Variants in PRKCB observed in about 807,000 individuals in gnomAD.
PRKCB encodes the protein protein kinase C beta type.
A neutral mutation model predicts 81.5 loss-of-function variants in PRKCB; 13 were observed. The observed-to-expected ratio is 0.16, with a 90% CI of 0.10 to 0.25. The LOEUF (loss-of-function observed/expected upper bound fraction) is 0.25, where lower values mean the gene tolerates loss of function less well. Ranked by LOEUF, PRKCB falls within the 10% of genes least tolerant of loss-of-function variation. The pLI, the probability that PRKCB is intolerant of heterozygous loss-of-function variation, is 1.00. For synonymous variants in PRKCB, 335 were observed against 321.4 expected (o/e 1.04, Z -0.45); for missense variants, 509 against 875.7 (o/e 0.58, Z 5.29).
intron 2 of PRKCB, among the ~76,000 whole-genome samples, chr16:23,982,760 A>G (rs1449131726): frequency 6.6e-6 from 1 of 152,102 alleles, no homozygotes; most frequent in Non-Finnish European, 1.5e-5. Flanking sequence ...GCCTGTAATA[A>G]GGGAGGGTGG....
At chr16:23,931,718 C>T (rs888181841) in intron 2 of PRKCB, among the ~76,000 whole-genome samples, 1 of 151,958 alleles carries the variant, frequency 6.6e-6, no homozygotes, top group Non-Finnish European at 1.5e-5. Context: ...TACTTCCCGG[C>T]CTTCTGGCCT....
At chr16:23,908,716 G>C (rs1003639980) in intron 2 of PRKCB, among the ~76,000 whole-genome samples, 40 of 151,542 alleles carry the variant, frequency 2.6e-4, no homozygotes, top group African/African-American at 9.2e-4. Flanking sequence ...ATTTTTAGTA[G>C]AGACGGGGTT....
At chr16:24,183,958 C>T (rs1295981181) in intron 13 of PRKCB, among the ~76,000 whole-genome samples, 1 of 152,176 alleles carries the variant, frequency 6.6e-6, no homozygotes, top group Non-Finnish European at 1.5e-5. Context: ...CCATATGATA[C>T]ACCAATTCTA....
chr16:24,199,260 C>A (rs1967921931), intron 16 of PRKCB, among the ~76,000 whole-genome samples: 1 of 152,196 alleles, frequency 6.6e-6, no homozygotes, highest in South Asian at 2.1e-4. Flanking sequence ...GGTTTCTCAG[C>A]AATTTTATCA....
intron 10 of PRKCB, among the ~76,000 whole-genome samples, chr16:24,157,647 G>A (rs1967181935): frequency 6.7e-6 from 1 of 150,332 alleles, no homozygotes; most frequent in African/African-American, 2.5e-5. Flanking sequence ...TGGGAATGAA[G>A]GCCTCCCATG....
rs906102125 is a variant in PRKCB, at chr16:24,219,094, A to C, written c.*4278A>C. ...CCCTGAAGAGGTCGGAGCATCATAC[A>C]GATTCCTTTATTAGCCCACATTCTG... On this transcript the variant is annotated 3_prime_UTR_variant, in exon 17 of 17. Coordinates refer to ENST00000643927, the MANE Select transcript of PRKCB (RefSeq NM_002738.7). The C allele has an allele frequency of 6.8e-5, 67 of 985,328 alleles. No individual in the cohort carries two copies. Among genetic ancestry groups the C allele is most frequent in the Non-Finnish European group, 1.3e-5 (11 of 829,972 alleles). The allele number at this position is 985,328 out of a possible 1,614,324, so 61.0% of individuals were successfully genotyped here.
At chr16:23,981,575 T>TTTTCC (rs71986168) in intron 2 of PRKCB, among the ~76,000 whole-genome samples, 9 of 147,154 alleles carry the variant, frequency 6.1e-5, no homozygotes, top group Admixed American at 1.3e-4. Flanking sequence ...CTTTCCTTTC[T>TTTTCC]TTTCCTTTCC....
intron 2 of PRKCB, among the ~76,000 whole-genome samples, chr16:23,868,584 C>T (rs1312878769): frequency 6.6e-6 from 1 of 152,166 alleles, no homozygotes; most frequent in Non-Finnish European, 1.5e-5. Flanking sequence ...GGTGATGTAA[C>T]AAGTAAATGG....
intron 2 of PRKCB, among the ~76,000 whole-genome samples, chr16:23,957,600 A>G (rs1236919482): frequency 6.6e-6 from 1 of 152,072 alleles, no homozygotes; most frequent in Non-Finnish European, 1.5e-5. Flanking sequence ...TGCCCCCTTG[A>G]AGTCTGAGTC....
chr16:24,081,978 C>T (rs1197168268), intron 5 of PRKCB, among the ~76,000 whole-genome samples: 2 of 152,142 alleles, frequency 1.3e-5, no homozygotes, highest in Non-Finnish European at 2.9e-5. Context: ...AGAAAATCCA[C>T]AGGAATCTAC....
chr16:24,036,210 C>CTGG (rs71154268), intron 5 of PRKCB, among the ~76,000 whole-genome samples: 26,746 of 150,942 alleles, frequency 0.18, 2,583 homozygotes, highest in Middle Eastern at 0.26. Context: ...GGAGGAGCTG[C>CTGG]TGGTGGTGGT....
intron 7 of PRKCB, chr16:24,099,872 G>A (rs1966482531): frequency 1.7e-5 from 2 of 116,922 alleles, no homozygotes; most frequent in Admixed American, 1.8e-4. Context: ...CTACTCTGGA[G>A]GCTGACCAGG....
At chr16:24,124,299 A>G (rs1596558530) in intron 9 of PRKCB, among the ~76,000 whole-genome samples, 1 of 152,212 alleles carries the variant, frequency 6.6e-6, no homozygotes, top group Non-Finnish European at 1.5e-5. Flanking sequence ...AGGTGGGGAC[A>G]GGCTGGGTGC....
At chr16:24,129,548 CATCT>C (rs1181777210) in intron 9 of PRKCB, among the ~76,000 whole-genome samples, 6 of 140,320 alleles carry the variant, frequency 4.3e-5, no homozygotes, top group East Asian at 2.2e-4. Context: ...TCTATCTATC[CATCT>C]GTCTATCTAA....
intron 2 of PRKCB, among the ~76,000 whole-genome samples, chr16:23,882,004 T>TTCTCTTTCTTTCTTTCTTTC (rs150470820): frequency 6.9e-5 from 5 of 71,970 alleles, no homozygotes; most frequent in South Asian, 4.9e-4. Flanking sequence ...CTTTCTTTCT[T>TTCTCTTTCTTTCTTTCTTTC]TCTTTCTTTC....
chr16:24,005,446 G>A (rs912947897), intron 3 of PRKCB, among the ~76,000 whole-genome samples: 5 of 152,008 alleles, frequency 3.3e-5, no homozygotes, highest in Non-Finnish European at 5.9e-5. Flanking sequence ...TTGTTTCTGG[G>A]GCCACTCCAC....
chr16:23,858,776 G>GAAT (rs774472804), intron 2 of PRKCB, among the ~76,000 whole-genome samples: 20 of 152,126 alleles, frequency 1.3e-4, no homozygotes, highest in Non-Finnish European at 2.2e-4. Flanking sequence ...CACTTTCATG[G>GAAT]AATAATACTT....
chr16:23,841,331 C>A (rs553002896), intron 2 of PRKCB, among the ~76,000 whole-genome samples: 50 of 151,982 alleles, frequency 3.3e-4, no homozygotes, highest in Middle Eastern at 3.4e-3. Context: ...CCACCCGCCT[C>A]GGACTCCCAA....
intron 7 of PRKCB, among the ~76,000 whole-genome samples, chr16:24,102,717 T>C (rs377012434): frequency 9.9e-5 from 15 of 152,250 alleles, no homozygotes; most frequent in African/African-American, 3.4e-4. Context: ...TCATCTGTTT[T>C]ATTTACTTAT....
Sources: gnomAD v4.1 joint callset for allele counts (sites outside exome capture counted in the v4.1 genomes callset) on GRCh38, gnomAD v4.1.1 for gene constraint, MANE v1.5 for transcripts, NCBI Gene and HGNC (gene_info 2026-07-23, HGNC 2026-07-21) for gene names.